Variants in PI4K2B observed in about 807,000 individuals in gnomAD.
PI4K2B encodes phosphatidylinositol 4-kinase type 2-beta.
PI4K2B carries 46 observed loss-of-function variants against 56.6 expected under a neutral mutation model. The observed-to-expected ratio is 0.81, with a 90% confidence interval of 0.64 to 1.04. The LOEUF is 1.04. Among genes scored for constraint, PI4K2B ranks in the 50% least tolerant of loss-of-function variants. PI4K2B has a pLI of 0.00. For missense variants in PI4K2B, 556 were observed against 607.7 expected (o/e 0.91, Z 0.89); for synonymous variants, 211 against 223.8 (o/e 0.94, Z 0.51).
In PI4K2B at chr4:25,234,049, T is replaced by C. The variant is rs554119902; in HGVS notation, c.-115T>C. 4.4e-5 allele frequency: 40 copies of C among 916,922 alleles called. No homozygotes were observed. In the Admixed American group the frequency reaches 1.4e-3, roughly 32 times the overall value. 56.8% of individuals were successfully genotyped at this position (916,922 alleles called of 1,614,324 possible). On this transcript the variant is annotated 5_prime_UTR_variant, in exon 1 of 10. Coordinates refer to ENST00000264864, the MANE Select transcript of PI4K2B (RefSeq NM_018323.4). The stretch of plus-strand genomic sequence containing the variant: ...GCGGGCGCCAAGCGTGCCCGTGCGC[T>C]GGTGAGGTGGCGTCCGTTCTACCCG...
intron 1 of PI4K2B, among the ~76,000 whole-genome samples, chr4:25,236,748 GC>G (rs1215847829): frequency 6.6e-6 from 1 of 152,028 alleles, no homozygotes; most frequent in African/African-American, 2.4e-5. Context: ...TTCATCTTCT[GC>G]CCCTTTTCCG....
chr4:25,253,783 A>G (rs1269390242), intron 2 of PI4K2B, among the ~76,000 whole-genome samples: 1 of 152,220 alleles, frequency 6.6e-6, no homozygotes, highest in Admixed American at 6.5e-5. Flanking sequence ...TAATCAATTT[A>G]TTTGTTAAGA....
intron 1 of PI4K2B, among the ~76,000 whole-genome samples, chr4:25,247,862 C>T (rs1293483845): frequency 2.0e-5 from 3 of 152,106 alleles, no homozygotes; most frequent in Admixed American, 1.3e-4. Context: ...TGCCACTATA[C>T]CCAGCTAATT....
At chr4:25,256,777 G>T in intron 4 of PI4K2B, 103 bp downstream of exon 4, 1 of 1,057,984 alleles carries the variant, frequency 9.5e-7, no homozygotes, top group South Asian at 1.5e-5. Context: ...TTATAGCACA[G>T]ATTTTTCATC....
intron 1 of PI4K2B, among the ~76,000 whole-genome samples, chr4:25,242,574 A>C (rs1037623655): frequency 6.6e-6 from 1 of 152,268 alleles, no homozygotes; most frequent in Non-Finnish European, 1.5e-5. Flanking sequence ...TTACTGCCTC[A>C]TTGATGAGTC....
intron 1 of PI4K2B, chr4:25,250,483 A>T (rs1347192226): frequency 6.6e-6 from 1 of 152,246 alleles, no homozygotes; most frequent in Non-Finnish European, 1.5e-5. Flanking sequence ...CAGGAACAGT[A>T]ACTAATGGGT....
chr4:25,263,908 GA>G (rs1716573438), intron 7 of PI4K2B, 59 bp downstream of exon 7: 2 of 729,428 alleles, frequency 2.7e-6, no homozygotes, highest in Admixed American at 2.5e-5. Context: ...AATGAGAAGG[GA>G]AAAAAATTTA....
chr4:25,248,837 A>C (rs1285781821), intron 1 of PI4K2B, among the ~76,000 whole-genome samples: 1 of 151,850 alleles, frequency 6.6e-6, no homozygotes. Context: ...GTATTTATTG[A>C]TCATTCTTGG....
At chr4:25,241,826 C>T (rs902707986) in intron 1 of PI4K2B, among the ~76,000 whole-genome samples, 4 of 152,132 alleles carry the variant, frequency 2.6e-5, no homozygotes, top group Admixed American at 6.5e-5. Flanking sequence ...CCCTCTGTGA[C>T]GTATAAAGAG....
chr4:25,253,348 A>G (rs1716135791), intron 2 of PI4K2B, among the ~76,000 whole-genome samples: 1 of 152,046 alleles, frequency 6.6e-6, no homozygotes, highest in Non-Finnish European at 1.5e-5. Flanking sequence ...AAAATATGTT[A>G]TTTTTTCTAA....
chr4:25,234,442 G>T lies in PI4K2B; in HGVS notation c.268+11G>T. 7.8e-7 allele frequency: 1 copy of T among 1,288,630 alleles called. No individual in the cohort carries two copies. Among genetic ancestry groups the T allele is most frequent in the Non-Finnish European group, 9.8e-7 (1 of 1,017,628 alleles). The allele number at this position is 1,288,630 out of a possible 1,614,324, so 79.8% of individuals were successfully genotyped here. A position where few individuals can be genotyped will look rare whatever the true frequency, so the allele number is the denominator to read the frequency against. On this transcript the variant is annotated intron_variant, in intron 1 of 9. Transcript: ENST00000264864. Reference sequence around the variant, plus strand: ...GCCCCGCGGTTTCAGGTGCGACCCGGCCCTGCCCCACTCCCCGCGCCCCTC... The same window carrying T: ...GCCCCGCGGTTTCAGGTGCGACCCGTCCCTGCCCCACTCCCCGCGCCCCTC...
intron 9 of PI4K2B, among the ~76,000 whole-genome samples, chr4:25,270,826 A>G (rs1292080476): frequency 6.6e-6 from 1 of 152,186 alleles, no homozygotes; most frequent in Admixed American, 6.5e-5. Flanking sequence ...TACTGTAAAC[A>G]TTGTCTTTTA....
chr4:25,265,289 T>A (rs1395010192), intron 7 of PI4K2B, among the ~76,000 whole-genome samples: 1 of 151,904 alleles, frequency 6.6e-6, no homozygotes, highest in Non-Finnish European at 1.5e-5. Context: ...TCATTAGGCT[T>A]GCCAAAGATT....
At chr4:25,240,988 C>T (rs970220706) in intron 1 of PI4K2B, among the ~76,000 whole-genome samples, 2 of 152,172 alleles carry the variant, frequency 1.3e-5, no homozygotes, top group Non-Finnish European at 2.9e-5. Context: ...GCCACTTATG[C>T]TGCTGTTCTC....
At chr4:25,246,223 G>A (rs1050521487) in intron 1 of PI4K2B, among the ~76,000 whole-genome samples, 26 of 152,012 alleles carry the variant, frequency 1.7e-4, no homozygotes, top group East Asian at 7.7e-4. Flanking sequence ...GGACCTGAGT[G>A]GGTTGCCACT....
intron 1 of PI4K2B, among the ~76,000 whole-genome samples, chr4:25,243,014 G>C (rs534446337): frequency 6.0e-4 from 91 of 152,364 alleles, no homozygotes; most frequent in South Asian, 1.7e-3. Flanking sequence ...CAACTGAGGA[G>C]GTGGGAGAAA....
chr4:25,263,732 C>A lies in PI4K2B; in HGVS notation c.979-18C>A. On this transcript the variant is annotated intron_variant, in intron 6 of 9. Transcript: ENST00000264864. ...TATATAGGTTCTTTTATCAACATAT[C>A]ATTTTTCTACTCTATAGGAATCAAA... 2.2e-6 allele frequency: 2 copies of A among 907,890 alleles called. No individual in the cohort carries two copies. Among genetic ancestry groups the A allele is most frequent in the Non-Finnish European group, 3.6e-6 (2 of 557,850 alleles). The allele number at this position is 907,890 out of a possible 1,614,324, so 56.2% of individuals were successfully genotyped here. A position where few individuals can be genotyped will look rare whatever the true frequency, so the allele number is the denominator to read the frequency against.
At chr4:25,248,786 G>A (rs969513764) in intron 1 of PI4K2B, among the ~76,000 whole-genome samples, 12 of 126,572 alleles carry the variant, frequency 9.5e-5, no homozygotes, top group African/African-American at 3.4e-4. Flanking sequence ...TAATAATTAG[G>A]AAAATCTTTT....
chr4:25,250,080 G>A (rs1454849915), intron 1 of PI4K2B, among the ~76,000 whole-genome samples: 3 of 152,182 alleles, frequency 2.0e-5, no homozygotes, highest in Admixed American at 1.3e-4. Context: ...CCAGTCAGGC[G>A]TGGCAGCGCG....
Sources: gnomAD v4.1 joint callset for allele counts (sites outside exome capture counted in the v4.1 genomes callset) on GRCh38, gnomAD v4.1.1 for gene constraint, MANE v1.5 for transcripts, NCBI Gene and HGNC (gene_info 2026-07-23, HGNC 2026-07-21) for gene names.